Variants in COL5A1 observed in about 807,000 individuals in gnomAD.
The protein encoded by COL5A1 is collagen alpha-1(V) chain.
A neutral mutation model predicts 263.7 loss-of-function variants in COL5A1; 16 were observed. The ratio of observed to expected loss-of-function variants is 0.06; its 90% CI spans 0.04 to 0.09. COL5A1 has a LOEUF of 0.09. Among genes scored for constraint, COL5A1 ranks in the 10% least tolerant of loss-of-function variants. The pLI, the probability that COL5A1 is intolerant of heterozygous loss-of-function variation, is 1.00. For missense variants in COL5A1, 2,036 were observed against 2,540.5 expected (o/e 0.80, Z 4.27); for synonymous variants, 1,012 against 1,004.5 (o/e 1.01, Z -0.14).
intron 8 of COL5A1, 138 bp from the exon 9 acceptor site, chr9:134,731,933 A>G: frequency 9.5e-7 from 1 of 1,054,526 alleles, no homozygotes; most frequent in East Asian, 2.4e-5. Flanking sequence ...CGCTCCTGCC[A>G]TCCTCCTGGG....
chr9:134,819,990 A>G, intron 57 of COL5A1, 126 bp from the exon 58 acceptor site: 1 of 801,338 alleles, frequency 1.2e-6, no homozygotes. Flanking sequence ...TTCCCCTTCC[A>G]GGGGAGGCTG....
intron 42 of COL5A1, 142 bp from the exon 43 acceptor site, chr9:134,809,040 TG>T: frequency 1.3e-6 from 1 of 774,318 alleles, no homozygotes; most frequent in South Asian, 1.5e-5. Context: ...TGGCCCTGGC[TG>T]AAATCCATTA....
chr9:134,665,063 G>A (rs1274620822), intron 1 of COL5A1, among the ~76,000 whole-genome samples: 1 of 152,202 alleles, frequency 6.6e-6, no homozygotes, highest in Non-Finnish European at 1.5e-5. Context: ...GCCAGGTGTG[G>A]TGGCGGGCGT....
At position 134,756,981 on chromosome 9, in the gene COL5A1, G is replaced by A. The variant is rs959766013; in HGVS notation, c.1881+163G>A. ...AAGATAGGGTTGGTGGGTGAATTTCGCCAGCAAGCGTGACAGTTGCAGTTC... is the reference window on the plus strand; with the variant it reads ...AAGATAGGGTTGGTGGGTGAATTTCACCAGCAAGCGTGACAGTTGCAGTTC... On this transcript the variant is annotated intron_variant, in intron 17 of 65. Coordinates refer to ENST00000371817, the MANE Select transcript of COL5A1 (RefSeq NM_000093.5). Among the ~76,000 whole-genome samples, 53 of 152,092 alleles carry A rather than the reference G, an allele frequency of 3.5e-4. 2 individuals are homozygous for A. Among genetic ancestry groups the A allele is most frequent in the Non-Finnish European group, 1.2e-4 (8 of 68,036 alleles).
intron 4 of COL5A1, among the ~76,000 whole-genome samples, chr9:134,713,577 G>T (rs150446549): frequency 6.6e-6 from 1 of 152,240 alleles, no homozygotes; most frequent in East Asian, 1.9e-4. Context: ...CAGGATAAAC[G>T]TGAGCTTCTG....
chr9:134,730,325 T>C lies in COL5A1; in HGVS notation c.1014T>C (p.Tyr338=). The change falls in exon 7 of 66, where the codon TAT becomes TAC. Residue 338 remains tyrosine (Y), a synonymous_variant. Transcript: ENST00000371817. Reference sequence around the variant, plus strand: ...AAGAGGACGTCGGCATCGGGGACTATGACTACGTGCCCAGTGAGGACTACT... The same window carrying C: ...AAGAGGACGTCGGCATCGGGGACTACGACTACGTGCCCAGTGAGGACTACT... ...GKEEDVGIGD[Y]DYVPSEDYYT... is the part of the protein sequence containing the mutation. 1.9e-6 allele frequency: 3 copies of C among 1,614,238 alleles called. No homozygotes were observed. Among genetic ancestry groups the C allele is most frequent in the Non-Finnish European group, 2.5e-6 (3 of 1,180,040 alleles).
chr9:134,809,908 G>A (rs940636196), intron 43 of COL5A1, among the ~76,000 whole-genome samples: 2 of 152,170 alleles, frequency 1.3e-5, no homozygotes, highest in Non-Finnish European at 2.9e-5. Flanking sequence ...CAACAGAGAG[G>A]ATTTTAATAA....
chr9:134,748,310 G>T (rs1217587481), intron 11 of COL5A1, among the ~76,000 whole-genome samples: 2 of 148,402 alleles, frequency 1.3e-5, no homozygotes, highest in African/African-American at 5.0e-5. Flanking sequence ...CACATGCATT[G>T]ATAGTCACAT....
chr9:134,768,310 T>C (rs894978107), intron 24 of COL5A1, 100 bp from the exon 25 acceptor site: 2 of 1,074,666 alleles, frequency 1.9e-6, no homozygotes, highest in Non-Finnish European at 2.9e-6. Context: ...CAGCAAATGC[T>C]GTGTGGGCAG....
rs191291096 is a variant in COL5A1, at chr9:134,749,595, G to A, written c.1495-947G>A. 1.9e-3 allele frequency among the ~76,000 whole-genome samples: 285 copies of A among 152,316 alleles called. 1 individual carries two copies. Among genetic ancestry groups the A allele is most frequent in the Non-Finnish European group, 3.6e-3 (245 of 68,038 alleles). ...GAATCCATCATGGGTTTCCTGGCAG[G>A]GAGCGTCTCACTCAGGTGGTGTGAA... is the stretch of plus-strand genomic sequence containing the variant. On this transcript the variant is annotated intron_variant, in intron 11 of 65. Transcript: ENST00000371817.
At chr9:134,804,299 G>C (rs1484464913) in intron 39 of COL5A1, among the ~76,000 whole-genome samples, 1 of 152,170 alleles carries the variant, frequency 6.6e-6, no homozygotes, top group Non-Finnish European at 1.5e-5. Context: ...CTCCATGTTG[G>C]ACCCCAGAGA....
chr9:134,679,404 TAG>T (rs1192123809), intron 1 of COL5A1, among the ~76,000 whole-genome samples: 2 of 69,146 alleles, frequency 2.9e-5, no homozygotes. Flanking sequence ...TGGGGCTTCT[TAG>T]GGGGCACTGT....
At position 134,647,802 on chromosome 9, in the gene COL5A1, T is replaced by G. The variant is rs977388588; in HGVS notation, c.109+5506T>G. ...CTCTATTTACATTCTCCCATATAATTGACTCGTCTGCTCTCTCTCAGTGCT... is the reference window on the plus strand; with the variant it reads ...CTCTATTTACATTCTCCCATATAATGGACTCGTCTGCTCTCTCTCAGTGCT... On this transcript the variant is annotated intron_variant, in intron 1 of 65. Coordinates refer to ENST00000371817, the MANE Select transcript of COL5A1 (RefSeq NM_000093.5). This position sits in a 1 kb window ranked among gnomAD's most constrained non-coding sequence, Gnocchi z 5.0. 6.6e-6 allele frequency among the ~76,000 whole-genome samples: 1 copy of G among 152,190 alleles called. No individual in the cohort carries two copies. Among genetic ancestry groups the G allele is most frequent in the Admixed American group, 6.5e-5 (1 of 15,280 alleles).
chr9:134,830,601 C>T (rs1210077178), intron 64 of COL5A1, among the ~76,000 whole-genome samples: 1 of 152,174 alleles, frequency 6.6e-6, no homozygotes, highest in African/African-American at 2.4e-5. Flanking sequence ...AGGACCTGCA[C>T]CACGGATCCC....
intron 11 of COL5A1, among the ~76,000 whole-genome samples, chr9:134,743,804 C>T (rs942121623): frequency 4.6e-5 from 7 of 152,190 alleles, no homozygotes; most frequent in African/African-American, 1.7e-4. Context: ...TTAGCCTTCC[C>T]CATGGGATTT....
chr9:134,774,713 C>A, intron 26 of COL5A1, 146 bp from the exon 27 acceptor site: 2 of 797,684 alleles, frequency 2.5e-6, no homozygotes, highest in East Asian at 2.7e-5. Flanking sequence ...GCGAGTCTCC[C>A]ACGGGGGGCC....
intron 44 of COL5A1, among the ~76,000 whole-genome samples, 168 bp from the exon 45 acceptor site, chr9:134,811,171 C>T (rs1056345828): frequency 1.3e-5 from 2 of 152,200 alleles, no homozygotes; most frequent in African/African-American, 4.8e-5. Flanking sequence ...TCATCTGCTT[C>T]CCAGAGCCTG....
chr9:134,645,078 T>C (rs961985606), intron 1 of COL5A1, among the ~76,000 whole-genome samples: 1 of 151,840 alleles, frequency 6.6e-6, no homozygotes, highest in Non-Finnish European at 1.5e-5. Flanking sequence ...GCCGGAGGGG[T>C]TGGAGTTTTG....
At position 134,742,097 on chromosome 9, in the gene COL5A1, C is replaced by T. The variant is rs1835325904; in HGVS notation, c.1494+3289C>T. On this transcript the variant is annotated intron_variant, in intron 11 of 65. Coordinates refer to ENST00000371817, the MANE Select transcript of COL5A1 (RefSeq NM_000093.5). This position sits in a 1 kb window ranked among gnomAD's most constrained non-coding sequence, Gnocchi z 4.6. ...CAGCTGCTGAAGCCCACACCCTGTG[C>T]CTCCACTGGCTGGCCCTGGGTGTTG... Among the ~76,000 whole-genome samples, 1 of 152,254 alleles carries T rather than the reference C, an allele frequency of 6.6e-6. No homozygotes were observed. Among genetic ancestry groups the T allele is most frequent in the South Asian group, 2.1e-4 (1 of 4,834 alleles).
Sources: allele counts gnomAD v4.1 joint callset (sites outside exome capture counted in the v4.1 genomes callset), GRCh38; gene constraint gnomAD v4.1.1; non-coding constraint Gnocchi (gnomAD v3.1); transcripts MANE v1.5; gene names NCBI Gene and HGNC (gene_info 2026-07-23, HGNC 2026-07-21).